PDE1A: variants seen among roughly 807,000 people sequenced by gnomAD.
PDE1A encodes phosphodiesterase 1A.
Under a neutral mutation model 61.7 loss-of-function variants are expected in PDE1A, and 35 were observed. The observed-to-expected ratio is 0.57, with a 90% CI of 0.43 to 0.75. The LOEUF is 0.75. Ranked by LOEUF, PDE1A falls within the 30% of genes least tolerant of loss-of-function variation. PDE1A has a pLI of 0.00. For synonymous variants in PDE1A, 232 were observed against 213.2 expected (o/e 1.09, Z -0.77); for missense variants, 597 against 630.6 (o/e 0.95, Z 0.57).
At position 182,206,202 on chromosome 2, in the gene PDE1A, GTTTCT is replaced by G. The variant is rs562410430; in HGVS notation, c.777-142_777-138del. 5.1e-4 allele frequency: 271 copies of G among 535,132 alleles called. 2 individuals are homozygous for G. The highest frequency in any genetic ancestry group is 4.9e-3 in the African/African-American group (253 of 51,642). 33.1% of individuals were successfully genotyped at this position (535,132 alleles called of 1,614,324 possible). On this transcript the variant is annotated intron_variant, in intron 7 of 13. Transcript: ENST00000351439. ...ACAGTGAGAATTATGGAAGTACTTAGTTTCTTTTATTTTTTACTGTATGATATTTT... is the reference window on the plus strand; with the variant it reads ...ACAGTGAGAATTATGGAAGTACTTAGTTTATTTTTTACTGTATGATATTTT...
At chr2:182,373,472 T>G (rs1303835032) in intron 1 of PDE1A, among the ~76,000 whole-genome samples, 1 of 152,208 alleles carries the variant, frequency 6.6e-6, no homozygotes, top group Non-Finnish European at 1.5e-5. Context: ...ATTAAGTGAT[T>G]TGGTCATGGT....
chr2:182,206,067 T>C lies in PDE1A; in HGVS notation c.777-2A>G. 6.3e-7 allele frequency: 1 copy of C among 1,599,122 alleles called. No individual in the cohort carries two copies. Among genetic ancestry groups the C allele is most frequent in the South Asian group, 1.1e-5 (1 of 88,038 alleles). ...TTATACAAAATGGCAACATCTGACC[T>C]AAGAATTAAAAACAAAATGCCCAAC... On this transcript the variant is annotated splice_acceptor_variant, in intron 7 of 13. Coordinates refer to ENST00000351439, the Ensembl canonical transcript of PDE1A. LOFTEE classifies it high-confidence loss of function.
intron 2 of PDE1A, chr2:182,241,657 T>C (rs772423906): frequency 4.0e-6 from 2 of 499,288 alleles, no homozygotes; most frequent in Non-Finnish European, 6.6e-6. Flanking sequence ...CCAATATTTA[T>C]TTTCCATGGT....
chr2:182,145,429 A>C (rs1475499277), downstream of PDE1A, among the ~76,000 whole-genome samples: 1 of 152,132 alleles, frequency 6.6e-6, no homozygotes, highest in East Asian at 1.9e-4. Context: ...AGCGGGCCGC[A>C]CACAAATGCA....
At chr2:182,262,115 ATTTCTTTCTTTCTCC>A (rs1008316380) in intron 2 of PDE1A, among the ~76,000 whole-genome samples, 37 of 151,346 alleles carry the variant, frequency 2.4e-4, no homozygotes, top group Non-Finnish European at 2.4e-4. Flanking sequence ...CAAGAAAATA[ATTTCTTTCTTTCTCC>A]TTTCTTTCTT....
intron 2 of PDE1A, among the ~76,000 whole-genome samples, chr2:182,246,508 A>G (rs1331065381): frequency 6.9e-6 from 1 of 143,944 alleles, no homozygotes; most frequent in Non-Finnish European, 1.5e-5. Flanking sequence ...TGTTCAAGCG[A>G]TTCTCCTGCC....
chr2:182,284,028 C>T (rs1044263934), intron 1 of PDE1A, among the ~76,000 whole-genome samples: 9 of 152,178 alleles, frequency 5.9e-5, no homozygotes, highest in African/African-American at 2.2e-4. Flanking sequence ...TGGGATACAA[C>T]TGTATCAGGT....
the PDE1A span, among the ~76,000 whole-genome samples, chr2:182,661,795 G>C: frequency 6.6e-6 from 1 of 152,066 alleles, no homozygotes. Context: ...AATATCCTTT[G>C]TAATAATAGC....
the PDE1A span, among the ~76,000 whole-genome samples, chr2:182,601,988 C>T: frequency 1.9e-3 from 290 of 152,346 alleles, 3 homozygotes; most frequent in African/African-American, 6.6e-3. Flanking sequence ...GCCTTCAGGC[C>T]CTCCCTGTCC....
chr2:182,621,440 A>G, the PDE1A span, among the ~76,000 whole-genome samples: 1 of 152,258 alleles, frequency 6.6e-6, no homozygotes, highest in South Asian at 2.1e-4. Flanking sequence ...AAGCCTCAGT[A>G]AAAAGGAGAT....
the PDE1A span, among the ~76,000 whole-genome samples, chr2:182,678,142 T>C: frequency 1.3e-5 from 2 of 152,158 alleles, no homozygotes; most frequent in African/African-American, 4.8e-5. Context: ...AGAGAAAATA[T>C]GGCTGGGCGC....
chr2:182,396,797 G>T (rs1360637928), intron 1 of PDE1A, among the ~76,000 whole-genome samples: 1 of 152,198 alleles, frequency 6.6e-6, no homozygotes, highest in Non-Finnish European at 1.5e-5. Context: ...GATTATGTAT[G>T]ATTTCAGGAG....
intron 1 of PDE1A, among the ~76,000 whole-genome samples, chr2:182,308,299 A>G (rs1221003720): frequency 6.6e-6 from 1 of 152,162 alleles, no homozygotes; most frequent in African/African-American, 2.4e-5. Flanking sequence ...AAGCAATATA[A>G]GAGAAATTGC....
At chr2:182,541,271 G>GA in the PDE1A span, among the ~76,000 whole-genome samples, 1 of 152,158 alleles carries the variant, frequency 6.6e-6, no homozygotes, top group Non-Finnish European at 1.5e-5. Flanking sequence ...GGATTCACAG[G>GA]AACTGGGTTC....
At chr2:182,265,391 C>T (rs1189148341) in intron 1 of PDE1A, among the ~76,000 whole-genome samples, 1 of 151,986 alleles carries the variant, frequency 6.6e-6, no homozygotes, top group African/African-American at 2.4e-5. Context: ...GAAAGGCAAA[C>T]ATTATTTTAA....
At chr2:182,458,253 G>C (rs764732286) in intron 2 of PDE1A, among the ~76,000 whole-genome samples, 3 of 151,992 alleles carry the variant, frequency 2.0e-5, no homozygotes, top group Non-Finnish European at 4.4e-5. Flanking sequence ...ACCCCAATCT[G>C]TAACAAGCCT....
the PDE1A span, among the ~76,000 whole-genome samples, chr2:182,695,329 T>C: frequency 6.6e-6 from 1 of 152,128 alleles, no homozygotes; most frequent in African/African-American, 2.4e-5. Flanking sequence ...GCAGAAACTT[T>C]CATGGGAACC....
chr2:182,572,736 G>T, the PDE1A span, among the ~76,000 whole-genome samples: 1 of 151,992 alleles, frequency 6.6e-6, no homozygotes, highest in East Asian at 1.9e-4. Context: ...CGGACATGGT[G>T]GTGGGCGCCT....
the PDE1A span, among the ~76,000 whole-genome samples, chr2:182,686,311 G>A: frequency 0.11 from 17,268 of 151,728 alleles, 1,225 homozygotes; most frequent in African/African-American, 0.19. Flanking sequence ...ACCTTGAAAT[G>A]CAAAAAAGTA....
Sources: gnomAD v4.1 joint callset for allele counts (sites outside exome capture counted in the v4.1 genomes callset) on GRCh38, gnomAD v4.1.1 for gene constraint, MANE v1.5 for transcripts, NCBI Gene and HGNC (gene_info 2026-07-23, HGNC 2026-07-21) for gene names.